Variants in RORC observed in about 807,000 individuals in gnomAD.
RORC encodes RAR related orphan receptor C, also known as nuclear receptor ROR-gamma.
RORC carries 13 observed loss-of-function variants against 64.5 expected under a neutral mutation model. The ratio of observed to expected loss-of-function variants is 0.20; its 90% confidence interval spans 0.13 to 0.32. The LOEUF is 0.32. Ranked by LOEUF, RORC falls within the 10% of genes least tolerant of loss-of-function variation. The probability of loss-of-function intolerance (pLI) is 1.00; values close to 1 mark genes in which losing one functional copy is unlikely to be tolerated. For synonymous variants in RORC, 277 were observed against 259.3 expected (o/e 1.07, Z -0.65); for missense variants, 468 against 669.5 (o/e 0.70, Z 3.32).
Position 151,817,228 on chromosome 1 carries a change from G to A in RORC, c.123C>T (p.Ile41=). ...CKICGDKSSG[I]HYGVITCEGC... ...CCTCACAGGTGATAACCCCGTAGTG[G>A]ATCCCAGACGACTTGTCCCCACAGA... is the stretch of plus-strand genomic sequence containing the variant. Residue 41 remains isoleucine, a synonymous_variant, in exon 3 of 11, where the codon ATC becomes ATT. Coordinates refer to ENST00000318247, the MANE Select transcript of RORC (RefSeq NM_005060.4). The A allele has an allele frequency of 6.2e-7, 1 of 1,614,086 alleles. No homozygotes were observed. The highest frequency in any genetic ancestry group is 1.1e-5 in the South Asian group (1 of 91,090).
intron 2 of RORC, among the ~76,000 whole-genome samples, chr1:151,824,195 G>C (rs954471724): frequency 3.3e-5 from 5 of 152,156 alleles, no homozygotes; most frequent in African/African-American, 1.2e-4. Flanking sequence ...ATAACTTGGG[G>C]CTATGAGATA....
chr1:151,812,587 G>C (rs963152974), intron 9 of RORC: 2 of 198,368 alleles, frequency 1.0e-5, no homozygotes, highest in African/African-American at 4.7e-5. Flanking sequence ...CTCTGGAAGT[G>C]GGACCCAGGC....
At chr1:151,818,610 A>G (rs778764910) in intron 2 of RORC, among the ~76,000 whole-genome samples, 1 of 152,178 alleles carries the variant, frequency 6.6e-6, no homozygotes, top group Non-Finnish European at 1.5e-5. Context: ...CATTTCCCAG[A>G]GCACATGGGT....
At chr1:151,816,863 C>T (rs1651774234) in intron 3 of RORC, 58 bp from the exon 4 acceptor site, 4 of 1,443,082 alleles carry the variant, frequency 2.8e-6, no homozygotes, top group Non-Finnish European at 3.7e-6. Context: ...AGCTCACTCA[C>T]AAAGGCCTCC....
chr1:151,822,379 C>G (rs1014949250), intron 2 of RORC, among the ~76,000 whole-genome samples: 1 of 152,210 alleles, frequency 6.6e-6, no homozygotes, highest in Non-Finnish European at 1.5e-5. Context: ...GGGCCCTCAC[C>G]GCAGCTCCTG....
intron 2 of RORC, among the ~76,000 whole-genome samples, chr1:151,825,277 C>T (rs1190257744): frequency 6.6e-6 from 1 of 152,110 alleles, no homozygotes; most frequent in African/African-American, 2.4e-5. Flanking sequence ...ACACCCCACA[C>T]ACACACGCAC....
intron 2 of RORC, among the ~76,000 whole-genome samples, chr1:151,818,711 G>A (rs1480576578): frequency 6.6e-6 from 1 of 152,208 alleles, no homozygotes; most frequent in Non-Finnish European, 1.5e-5. Flanking sequence ...AAGGGCCAAA[G>A]CCCCTTTTAA....
At chr1:151,825,096 T>C (rs1014426513) in intron 2 of RORC, among the ~76,000 whole-genome samples, 1 of 152,156 alleles carries the variant, frequency 6.6e-6, no homozygotes, top group African/African-American at 2.4e-5. Context: ...TGCCCACCCT[T>C]GCTCTGCTGG....
In RORC at chr1:151,815,225, G is replaced by A. The variant is rs772649787; in HGVS notation, c.499C>T (p.Pro167Ser). The part of the protein sequence containing the change: ...QLPLGSSPDL[P>S]EASACPPGLL... ...CCAGGGGGACAGGCAGAAGCCTCAG[G>A]CAGGTCAGGCGAGGAGCCCAGGGGC... The change falls in exon 5 of 11, where the codon CCT (proline) becomes TCT (serine). Residue 167 changes from proline to serine, a missense_variant. Pro to Ser is a moderately conservative substitution (Grantham distance 74, BLOSUM62 -1). This residue lies in a region of RORC where 241 missense variants were observed against 295.5 expected (regional missense o/e 0.82). Transcript: ENST00000318247. 1.2e-6 allele frequency: 2 copies of A among 1,613,356 alleles called. No individual in the cohort carries two copies. The highest frequency in any genetic ancestry group is 1.1e-5 in the South Asian group (1 of 91,018).
chr1:151,815,090 C>T lies in RORC; in HGVS notation c.634G>A (p.Glu212Lys), dbSNP rs2101658846. The change falls in exon 5 of 11, where the codon GAG becomes AAG. Residue 212 changes from glutamate to lysine, a missense_variant. Coordinates refer to ENST00000318247, the MANE Select transcript of RORC (RefSeq NM_005060.4). ...GTGCTATAGAAGCTCTCTCTGCCCT[C>T]AGCCTTGCCCCGCTCAGGGCTGTAT... is the stretch of plus-strand genomic sequence containing the variant. The part of the protein sequence containing the change: ...LEYSPERGKA[E>K]GRESFYSTGS... 5.0e-6 allele frequency: 8 copies of T among 1,614,236 alleles called. No homozygotes were observed. The highest frequency in any genetic ancestry group is 6.8e-6 in the Non-Finnish European group (8 of 1,180,038).
At chr1:151,823,206 T>G (rs908958181) in intron 2 of RORC, among the ~76,000 whole-genome samples, 3 of 152,118 alleles carry the variant, frequency 2.0e-5, no homozygotes, top group African/African-American at 7.2e-5. Flanking sequence ...CCCTGGGGAC[T>G]TGGAGTCCTT....
chr1:151,823,205 C>T (rs1652059505), intron 2 of RORC, among the ~76,000 whole-genome samples: 3 of 152,116 alleles, frequency 2.0e-5, no homozygotes, highest in African/African-American at 7.2e-5. Flanking sequence ...ACCCTGGGGA[C>T]TTGGAGTCCT....
At chr1:151,812,519 G>C (rs1331301966) in intron 9 of RORC, 3 of 159,046 alleles carry the variant, frequency 1.9e-5, no homozygotes, top group Non-Finnish European at 4.2e-5. Flanking sequence ...TTCAACTTAC[G>C]ATAGGTTTAT....
intron 2 of RORC, among the ~76,000 whole-genome samples, chr1:151,818,566 G>A (rs887117176): frequency 6.6e-5 from 10 of 152,202 alleles, no homozygotes; most frequent in African/African-American, 2.4e-4. Context: ...GCTGGGCAAA[G>A]CTTGGGATCC....
intron 6 of RORC, chr1:151,813,990 C>T (rs759561221): frequency 3.1e-5 from 7 of 222,960 alleles, no homozygotes; most frequent in African/African-American, 4.5e-5. Flanking sequence ...AAGTGCCAAA[C>T]GAGTGTGTTT....
rs188238806 is a variant in RORC at position 151,807,412 on chromosome 1, C to T, written c.*60G>A. ...GGAAAGGAAAAGGGTGAGGGTGGAA[C>T]GGGGTCCAGGGAGGTGGGCCAGCAG... On this transcript the variant is annotated 3_prime_UTR_variant, in exon 11 of 11. Transcript: ENST00000318247. This position sits in a 1 kb window ranked among gnomAD's most constrained non-coding sequence, Gnocchi z 5.0. 1,671 of 1,550,266 alleles carry T rather than the reference C, an allele frequency of 1.1e-3. 18 individuals are homozygous for T. The African/African-American group carries it at 0.015, about 14-fold the overall frequency.
chr1:151,825,088 C>T lies in RORC; in HGVS notation c.70+4341G>A, dbSNP rs575087397. Among the ~76,000 whole-genome samples, 245 of 152,298 alleles carry T rather than the reference C, an allele frequency of 1.6e-3. 1 individual carries two copies. The highest frequency in any genetic ancestry group is 5.8e-3 in the African/African-American group (241 of 41,560). On this transcript the variant is annotated intron_variant, in intron 2 of 10. Coordinates refer to ENST00000318247, the MANE Select transcript of RORC (RefSeq NM_005060.4). ...AAATACAGGGGACTTCCTGAGGTTG[C>T]CCACCCTTGCTCTGCTGGAAGGCAC...
intron 4 of RORC, among the ~76,000 whole-genome samples, 189 bp downstream of exon 4, chr1:151,816,475 C>G (rs1345107534): frequency 6.6e-6 from 1 of 152,156 alleles, no homozygotes; most frequent in African/African-American, 2.4e-5. Context: ...TTGGGGACTC[C>G]AAAGAACTTT....
At chr1:151,813,378 G>C in intron 7 of RORC, 32 bp from the exon 8 acceptor site, 1 of 1,610,114 alleles carries the variant, frequency 6.2e-7, no homozygotes, top group Non-Finnish European at 8.5e-7. Flanking sequence ...TGCAGGGACA[G>C]TGTCAAGCAA....
Sources: allele counts gnomAD v4.1 joint callset (sites outside exome capture counted in the v4.1 genomes callset), GRCh38; gene constraint gnomAD v4.1.1; regional missense constraint gnomAD v4.1.1; non-coding constraint Gnocchi (gnomAD v3.1); transcripts MANE v1.5; gene names NCBI Gene and HGNC (gene_info 2026-07-23, HGNC 2026-07-21).